CABIN1: variants seen among roughly 807,000 people sequenced by gnomAD.
CABIN1 encodes calcineurin-binding protein cabin-1.
A neutral mutation model predicts 227.7 loss-of-function variants in CABIN1; 133 were observed. The ratio of observed to expected loss-of-function variants is 0.58; its 90% confidence interval spans 0.51 to 0.67. CABIN1 has a LOEUF of 0.67. Ranked by LOEUF, CABIN1 falls within the 30% of genes least tolerant of loss-of-function variation. The pLI is 0.00. For missense variants in CABIN1, 2,408 were observed against 2,852.5 expected, an observed-to-expected ratio of 0.84 and a Z score of 3.55; for synonymous variants, 1,086 against 1,155.1, an observed-to-expected ratio of 0.94 and a Z score of 1.21.
chr22:24,072,436 G>A lies in CABIN1; in HGVS notation c.2558G>A (p.Arg853Gln), dbSNP rs17854874. 110,806 of 1,614,098 alleles carry A rather than the reference G, an allele frequency of 0.069. 4,267 individuals are homozygous for A. Among genetic ancestry groups the A allele is most frequent in the East Asian group, 0.15 (6,805 of 44,878 alleles). The change falls in exon 18 of 37, where the codon CGG (arginine) becomes CAG (glutamine). Residue 853 changes from arginine (R) to glutamine (Q), a missense_variant. Physicochemically the swap from Arg to Gln is conservative, Grantham distance 43 (BLOSUM62 1). Around this residue, in one of 3 missense-constraint regions of CABIN1, gnomAD observed 1,045 missense variants for 1,168.4 expected, o/e 0.89. Transcript: ENST00000263119. Reference protein sequence around the residue: ...SSVLPWIILHRIIWQEEDTFH... With the variant: ...SSVLPWIILHQIIWQEEDTFH... ...GTGCTACCCTGGATCATTCTACACC[G>A]GATCATCTGGCAGGAGGAAGACACC...
At chr22:24,127,626 G>A (rs1033256676) in intron 28 of CABIN1, among the ~76,000 whole-genome samples, 10 of 152,170 alleles carry the variant, frequency 6.6e-5, no homozygotes, top group African/African-American at 2.4e-4. Context: ...GGTATGACGA[G>A]TAGCAGCCTG....
intron 28 of CABIN1, among the ~76,000 whole-genome samples, chr22:24,125,556 G>A (rs570075696): frequency 6.6e-6 from 1 of 152,208 alleles, no homozygotes; most frequent in Non-Finnish European, 1.5e-5. Context: ...TGTTCGGGGG[G>A]AGCTGGTGAG....
chr22:24,020,151 ATATAT>A (rs2035617263), intron 1 of CABIN1, among the ~76,000 whole-genome samples: 2 of 152,190 alleles, frequency 1.3e-5, no homozygotes, highest in Admixed American at 6.5e-5. Context: ...AGGTGTATTT[ATATAT>A]TAAAGTATCT....
rs1569152359 is a variant in CABIN1 at position 24,064,158 on chromosome 22, C to T, written c.2008C>T (p.His670Tyr). The T allele has an allele frequency of 1.1e-5, 18 of 1,614,236 alleles. No homozygotes were observed. The highest frequency in any genetic ancestry group is 1.5e-5 in the Non-Finnish European group (18 of 1,180,046). Reference sequence around the variant, plus strand: ...CATTGTCATCCGGCTGCCCAACCTCCATAATGACTCTGTGGTTTCCCTGGA... The same window carrying T: ...CATTGTCATCCGGCTGCCCAACCTCTATAATGACTCTGTGGTTTCCCTGGA... ...RDIVIRLPNL[H>Y]NDSVVSLEEI... Residue 670 changes from histidine (H) to tyrosine (Y), a missense_variant, in exon 15 of 37, where the codon CAT becomes TAT. Transcript: ENST00000263119.
chr22:24,063,043 T>G lies in CABIN1; in HGVS notation c.1781T>G (p.Leu594Arg). The change falls in exon 14 of 37, where the codon CTA becomes CGA. Residue 594 changes from leucine (L) to arginine (R), a missense_variant. Physicochemically the swap from Leu to Arg is moderately radical, Grantham distance 102. Transcript: ENST00000263119. ...FPGTHCLGDL[L>R]QLSFASSQRD... ...GGGACCCACTGCCTGGGTGACCTCC[T>G]ACAGCTGTCATTTGCCTCGTCCCAG... 2 of 1,614,184 alleles carry G rather than the reference T, an allele frequency of 1.2e-6. No homozygotes were observed. Among genetic ancestry groups the G allele is most frequent in the South Asian group, 2.2e-5 (2 of 91,084 alleles).
intron 22 of CABIN1, among the ~76,000 whole-genome samples, chr22:24,086,336 T>G (rs940321305): frequency 1.1e-4 from 16 of 152,244 alleles, no homozygotes; most frequent in Admixed American, 1.0e-3. Context: ...CAGCCCCTTA[T>G]TCAACAGAAT....
intron 23 of CABIN1, among the ~76,000 whole-genome samples, chr22:24,088,433 C>T (rs1225062030): frequency 1.3e-5 from 2 of 152,094 alleles, no homozygotes; most frequent in East Asian, 1.9e-4. Flanking sequence ...CATAGTGAAA[C>T]CCCATCTCTA....
intron 32 of CABIN1, 40 bp from the exon 33 acceptor site, chr22:24,168,407 A>T (rs11912772): frequency 1.3e-6 from 2 of 1,547,040 alleles, no homozygotes; most frequent in Admixed American, 1.9e-5. Context: ...GCTAACCACA[A>T]TGGCCTGCGC....
At chr22:24,084,983 A>G (rs1447697319) in intron 21 of CABIN1, 23 bp from the exon 22 acceptor site, 1 of 1,614,206 alleles carries the variant, frequency 6.2e-7, no homozygotes, top group Non-Finnish European at 8.5e-7. Context: ...ACCTCCCCTC[A>G]TACTTTTCCT....
In CABIN1 at chr22:24,071,169, G is replaced by C. The variant is rs930266233; in HGVS notation, c.2475+127G>C. The C allele has an allele frequency of 3.7e-6, 5 of 1,345,144 alleles. No homozygotes were observed. The African/African-American group carries it at 7.2e-5, about 19-fold the overall frequency. The allele number at this position is 1,345,144 out of a possible 1,614,324, so 83.3% of individuals were successfully genotyped here. A position where few individuals can be genotyped will look rare whatever the true frequency, so the allele number is the denominator to read the frequency against. ...CCAAAGGGGACATGATGGCTTCTTT[G>C]GTTGGAACTTTCGGGATCTGAGGAG... is the stretch of plus-strand genomic sequence containing the variant. On this transcript the variant is annotated intron_variant, in intron 17 of 36. Coordinates refer to ENST00000263119, the MANE Select transcript of CABIN1 (RefSeq NM_012295.4).
chr22:24,085,064 A>G lies in CABIN1; in HGVS notation c.3176A>G (p.Tyr1059Cys). Reference protein sequence around the residue: ...PSPPVVNELYYLLADYHFKNK... With the variant: ...PSPPVVNELYCLLADYHFKNK... ...CCTCCAGTGGTGAACGAGCTTTACT[A>G]CCTCCTGGCTGATTATCATTTCAAA... The change falls in exon 22 of 37, where the codon TAC becomes TGC. Residue 1059 changes from tyrosine (Y) to cysteine (C), a missense_variant. This residue lies in a region of CABIN1 where 649 missense variants were observed against 910.3 expected (regional missense o/e 0.71). Coordinates refer to ENST00000263119, the MANE Select transcript of CABIN1 (RefSeq NM_012295.4). 6.2e-7 allele frequency: 1 copy of G among 1,613,832 alleles called. No individual in the cohort carries two copies. The highest frequency in any genetic ancestry group is 8.5e-7 in the Non-Finnish European group (1 of 1,179,974).
Position 24,085,044 on chromosome 22 carries a change from A to T in CABIN1, c.3156A>T (p.Pro1052=), listed in dbSNP as rs1435309107. Reference sequence around the variant, plus strand: ...CAGAGGGGGCTGACCCCTCCCCTCCAGTGGTGAACGAGCTTTACTACCTCC... The same window carrying T: ...CAGAGGGGGCTGACCCCTCCCCTCCTGTGGTGAACGAGCTTTACTACCTCC... ...CLPEGADPSP[P]VVNELYYLLA... is the part of the protein sequence containing the mutation. Residue 1052 remains proline (P), a synonymous_variant, in exon 22 of 37, where the codon CCA becomes CCT. Transcript: ENST00000263119. The T allele has an allele frequency of 9.9e-6, 16 of 1,614,014 alleles. No homozygotes were observed. Among genetic ancestry groups the T allele is most frequent in the Non-Finnish European group, 1.4e-5 (16 of 1,180,018 alleles).
chr22:24,065,689 G>A (rs566092365), intron 15 of CABIN1, among the ~76,000 whole-genome samples: 1 of 152,244 alleles, frequency 6.6e-6, no homozygotes, highest in Non-Finnish European at 1.5e-5. Flanking sequence ...CCGAGATCAC[G>A]CCATTGCACT....
At chr22:24,144,228 C>T (rs1022166660) in intron 29 of CABIN1, among the ~76,000 whole-genome samples, 3 of 152,238 alleles carry the variant, frequency 2.0e-5, no homozygotes, top group African/African-American at 7.2e-5. Context: ...CACATCTAAG[C>T]TCTCTGTTCC....
Position 24,136,524 on chromosome 22 carries a change from ATTTTTTT to A in CABIN1, c.4746+2127_4746+2133del, listed in dbSNP as rs145864566. Among the ~76,000 whole-genome samples, 124 of 69,878 alleles carry A rather than the reference ATTTTTTT, an allele frequency of 1.8e-3. 1 individual carries two copies. The Middle Eastern group carries it at 0.03, about 17-fold the overall frequency. The allele number at this position is 69,878 out of a possible 152,430, so 45.8% of individuals were successfully genotyped here. Reference sequence around the variant, plus strand: ...ACTGCCACGCCCAGCTAATTTTTGTATTTTTTTTTTTTTTTTTTTTTTTTAGAGACAA... The same window carrying A: ...ACTGCCACGCCCAGCTAATTTTTGTATTTTTTTTTTTTTTTTTAGAGACAA... On this transcript the variant is annotated intron_variant, in intron 29 of 36. Coordinates refer to ENST00000263119, the MANE Select transcript of CABIN1 (RefSeq NM_012295.4).
chr22:24,159,635 C>T (rs1047173676), intron 29 of CABIN1, among the ~76,000 whole-genome samples: 24 of 152,318 alleles, frequency 1.6e-4, no homozygotes, highest in Middle Eastern at 3.4e-3. Context: ...GCTTGAGCCT[C>T]ACGTGGCATC....
In CABIN1 at chr22:24,098,109, T is replaced by C; in HGVS notation, c.4034T>C (p.Leu1345Pro). Residue 1345 changes from leucine (L) to proline (P), a missense_variant, in exon 26 of 37, where the codon CTG (leucine) becomes CCG (proline). Around this residue, in one of 3 missense-constraint regions of CABIN1, gnomAD observed 649 missense variants for 910.3 expected, o/e 0.71. Transcript: ENST00000263119. ...CTCCCCTCCTCCTCTGGCCCAGGTC[T>C]GACATCCCCACCTTACACAGCCACT... ...ASLPSSSGPG[L>P]TSPPYTATPI... 1 of 1,614,128 alleles carries C rather than the reference T, an allele frequency of 6.2e-7. No individual in the cohort carries two copies. The highest frequency in any genetic ancestry group is 8.5e-7 in the Non-Finnish European group (1 of 1,180,024).
intron 33 of CABIN1, among the ~76,000 whole-genome samples, chr22:24,168,950 A>G (rs2046622521): frequency 6.6e-6 from 1 of 152,162 alleles, no homozygotes; most frequent in Non-Finnish European, 1.5e-5. Flanking sequence ...TGTAGGGAGC[A>G]AGGTGTCCTA....
At position 24,166,618 on chromosome 22, in the gene CABIN1, T is replaced by G. The variant is rs752120347; in HGVS notation, c.5008-21T>G. 6 of 1,612,564 alleles carry G rather than the reference T, an allele frequency of 3.7e-6. No homozygotes were observed. In the African/African-American group the frequency reaches 4.0e-5, roughly 11 times the overall value. On this transcript the variant is annotated intron_variant, in intron 31 of 36. Coordinates refer to ENST00000263119, the MANE Select transcript of CABIN1 (RefSeq NM_012295.4). ...GTGGAGACACCAGCGACACAGCTTC[T>G]TACCTTTGGTTTCTTTGTAGGGGTC...
Sources: allele counts gnomAD v4.1 joint callset (sites outside exome capture counted in the v4.1 genomes callset), GRCh38; gene constraint gnomAD v4.1.1; regional missense constraint gnomAD v4.1.1; transcripts MANE v1.5; gene names NCBI Gene and HGNC (gene_info 2026-07-23, HGNC 2026-07-21).